The following LINGO2 variants were observed in gnomAD, a reference collection of about 807,000 sequenced individuals.
LINGO2 encodes leucine rich repeat and Ig domain containing 2.
Under a neutral mutation model 30.6 loss-of-function variants are expected in LINGO2, and 14 were observed. That is an observed-to-expected ratio of 0.46 (90% confidence interval 0.30 to 0.72). The LOEUF (loss-of-function observed/expected upper bound fraction) is 0.72. Among genes scored for constraint, LINGO2 ranks in the 30% least tolerant of loss-of-function variants. The probability of loss-of-function intolerance (pLI) is 0.07; values close to 1 mark genes in which losing one functional copy is unlikely to be tolerated. For missense variants in LINGO2, 729 were observed against 751.7 expected, an observed-to-expected ratio of 0.97 and a Z score of 0.35; for synonymous variants, 317 against 288.5, an observed-to-expected ratio of 1.10 and a Z score of -1.00.
At chr9:28,830,138 G>A in the LINGO2 span, among the ~76,000 whole-genome samples, 38 of 152,240 alleles carry the variant, frequency 2.5e-4, no homozygotes, top group Admixed American at 2.2e-3. Flanking sequence ...GACAAATTTC[G>A]TCTGGAATAG....
chr9:28,570,552 T>C (rs1415717482), intron 1 of LINGO2, among the ~76,000 whole-genome samples: 1 of 151,588 alleles, frequency 6.6e-6, no homozygotes. Flanking sequence ...AGTTTTCAAG[T>C]ACTATCAGAA....
At chr9:28,628,810 C>A (rs777736509) in intron 1 of LINGO2, among the ~76,000 whole-genome samples, 2 of 151,942 alleles carry the variant, frequency 1.3e-5, no homozygotes, top group Non-Finnish European at 2.9e-5. Flanking sequence ...GATGAGCCTC[C>A]GGTAATGTAA....
intron 4 of LINGO2, chr9:28,149,174 A>G: frequency 7.4e-7 from 1 of 1,343,688 alleles, no homozygotes; most frequent in East Asian, 2.5e-5. Flanking sequence ...CAGGAGAGTA[A>G]GAGAGCTGCT....
chr9:27,982,390 A>T (rs1820922406), intron 5 of LINGO2, among the ~76,000 whole-genome samples: 1 of 151,916 alleles, frequency 6.6e-6, no homozygotes, highest in South Asian at 2.1e-4. Flanking sequence ...GAAACAGTTC[A>T]GTGTCAACAC....
At chr9:28,038,971 G>A (rs1824073840) in intron 4 of LINGO2, among the ~76,000 whole-genome samples, 1 of 152,104 alleles carries the variant, frequency 6.6e-6, no homozygotes, top group Non-Finnish European at 1.5e-5. Context: ...TCCTTCTCTA[G>A]GTCTACAATT....
chr9:28,643,521 A>G (rs1394951004), intron 1 of LINGO2, among the ~76,000 whole-genome samples: 2 of 152,126 alleles, frequency 1.3e-5, no homozygotes, highest in African/African-American at 4.8e-5. Context: ...CTCTCACCAC[A>G]TGCAAAAATA....
At chr9:28,914,885 C>T in the LINGO2 span, among the ~76,000 whole-genome samples, 3 of 152,310 alleles carry the variant, frequency 2.0e-5, no homozygotes, top group Non-Finnish European at 4.4e-5. Context: ...GTAATCCCAG[C>T]ACTTTGGGAG....
chr9:28,684,173 A>ATTTTTTTT, the LINGO2 span, among the ~76,000 whole-genome samples: 2 of 52,974 alleles, frequency 3.8e-5, no homozygotes, highest in African/African-American at 5.6e-5. Context: ...TAAAATGTTT[A>ATTTTTTTT]TCTTTTTTTT....
intron 1 of LINGO2, among the ~76,000 whole-genome samples, chr9:28,550,389 T>C (rs750826218): frequency 6.6e-6 from 1 of 151,914 alleles, no homozygotes; most frequent in African/African-American, 2.4e-5. Flanking sequence ...CTTCATCTGA[T>C]CTTCTGTTTA....
chr9:29,135,420 T>G, the LINGO2 span, among the ~76,000 whole-genome samples: 2 of 151,964 alleles, frequency 1.3e-5, no homozygotes, highest in Admixed American at 6.6e-5. Context: ...TAGCCAGGCA[T>G]GGTGGCATGC....
the LINGO2 span, among the ~76,000 whole-genome samples, chr9:28,975,598 G>A: frequency 2.4e-4 from 37 of 152,048 alleles, no homozygotes; most frequent in Non-Finnish European, 5.0e-4. Flanking sequence ...AACCCACTGG[G>A]GCTCATATAC....
At chr9:27,958,319 T>C (rs1468284692) in intron 5 of LINGO2, among the ~76,000 whole-genome samples, 1 of 152,184 alleles carries the variant, frequency 6.6e-6, no homozygotes, top group African/African-American at 2.4e-5. Context: ...TTATTGAATA[T>C]TGTGTTTGTA....
the LINGO2 span, among the ~76,000 whole-genome samples, chr9:29,143,582 G>A: frequency 6.6e-6 from 1 of 152,072 alleles, no homozygotes; most frequent in Non-Finnish European, 1.5e-5. Context: ...TTGTACAAAT[G>A]TTACTGAGAA....
At chr9:28,236,138 C>T (rs1434012900) in intron 4 of LINGO2, among the ~76,000 whole-genome samples, 1 of 152,066 alleles carries the variant, frequency 6.6e-6, no homozygotes, top group Non-Finnish European at 1.5e-5. Flanking sequence ...TGGCAGCTGA[C>T]GTTTCAGTGG....
the LINGO2 span, among the ~76,000 whole-genome samples, chr9:29,173,961 G>A: frequency 6.6e-6 from 1 of 151,780 alleles, no homozygotes; most frequent in Admixed American, 6.6e-5. Context: ...TCCCTTCAAT[G>A]CATGTGTGTT....
chr9:28,203,096 C>T (rs1820293529), intron 4 of LINGO2, among the ~76,000 whole-genome samples: 1 of 152,098 alleles, frequency 6.6e-6, no homozygotes, highest in Non-Finnish European at 1.5e-5. Flanking sequence ...AATGTATAGC[C>T]TTCCACCTAT....
At chr9:28,024,135 G>C (rs909152481) in intron 4 of LINGO2, among the ~76,000 whole-genome samples, 1 of 152,160 alleles carries the variant, frequency 6.6e-6, no homozygotes, top group African/African-American at 2.4e-5. Context: ...TTACCTGTGG[G>C]AACTGCAACT....
intron 2 of LINGO2, among the ~76,000 whole-genome samples, chr9:28,449,340 CACAA>C (rs1287496749): frequency 2.0e-5 from 3 of 151,890 alleles, no homozygotes; most frequent in Non-Finnish European, 4.4e-5. Flanking sequence ...CCATAGTATC[CACAA>C]ACAGTTTGTT....
At chr9:28,570,222 AC>A (rs1823614529) in intron 1 of LINGO2, among the ~76,000 whole-genome samples, 1 of 151,948 alleles carries the variant, frequency 6.6e-6, no homozygotes, top group South Asian at 2.1e-4. Flanking sequence ...TTACTTACTT[AC>A]CATTTCTCAT....
Sources: allele counts gnomAD v4.1 joint callset (sites outside exome capture counted in the v4.1 genomes callset), GRCh38; gene constraint gnomAD v4.1.1; transcripts MANE v1.5; gene names NCBI Gene and HGNC (gene_info 2026-07-23, HGNC 2026-07-21).